CUL2: variants seen among roughly 807,000 people sequenced by gnomAD.
CUL2 encodes cullin-2.
CUL2 carries 22 observed loss-of-function variants against 110.2 expected under a neutral mutation model. The observed-to-expected ratio is 0.20, with a 90% CI of 0.14 to 0.28. CUL2 has a LOEUF of 0.28. CUL2 is among the 10% of genes least tolerant of loss of function. The probability of loss-of-function intolerance (pLI) is 1.00; values close to 1 mark genes in which losing one functional copy is unlikely to be tolerated. For missense variants in CUL2, 631 were observed against 905.5 expected, an observed-to-expected ratio of 0.70 and a Z score of 3.89; for synonymous variants, 279 against 293.2, an observed-to-expected ratio of 0.95 and a Z score of 0.49.
intron 15 of CUL2, among the ~76,000 whole-genome samples, 176 bp from the exon 16 acceptor site, chr10:35,029,063 GT>G (rs35011745): frequency 8.3e-4 from 118 of 142,036 alleles, no homozygotes; most frequent in African/African-American, 2.6e-3. Context: ...ACCTTTTTTT[GT>G]TTTTTTTTTT....
At chr10:35,073,035 G>A (rs535596002) in intron 1 of CUL2, among the ~76,000 whole-genome samples, 2 of 152,278 alleles carry the variant, frequency 1.3e-5, no homozygotes, top group Admixed American at 1.3e-4. Context: ...CGGACTGGGA[G>A]AGGCCCTTCT....
At chr10:35,041,407 A>G (rs915197390) in intron 8 of CUL2, among the ~76,000 whole-genome samples, 1 of 152,180 alleles carries the variant, frequency 6.6e-6, no homozygotes, top group African/African-American at 2.4e-5. Context: ...GGCCAAAGCT[A>G]TAAGAGGAAC....
chr10:35,115,294 G>T (rs544349706), intron 1 of CUL2, among the ~76,000 whole-genome samples: 3 of 152,222 alleles, frequency 2.0e-5, no homozygotes, highest in Admixed American at 6.5e-5. Context: ...AGGTGCAGTG[G>T]CTCACACCTG....
intron 10 of CUL2, among the ~76,000 whole-genome samples, chr10:35,033,667 G>A (rs2134732946): frequency 6.6e-6 from 1 of 152,072 alleles, no homozygotes; most frequent in Non-Finnish European, 1.5e-5. Flanking sequence ...AACCAGGGAG[G>A]TGGAGGTTGC....
chr10:35,035,358 T>TGGATCCAAGTGCAGGAGTACAATATAC (rs914113938), intron 9 of CUL2, 62 bp from the exon 10 acceptor site: 1 of 1,566,938 alleles, frequency 6.4e-7, no homozygotes, highest in Non-Finnish European at 8.7e-7. Context: ...AGGTAATATA[T>TGGATCCAAGTGCAGGAGTACAATATAC]GGATCCAAGT....
At chr10:35,026,716 A>G (rs1193059303) in intron 16 of CUL2, among the ~76,000 whole-genome samples, 2 of 152,240 alleles carry the variant, frequency 1.3e-5, no homozygotes, top group Non-Finnish European at 2.9e-5. Context: ...TCATCAATTC[A>G]TATGGCACTA....
In CUL2 at chr10:35,049,675, G is replaced by A. The variant is rs762479566; in HGVS notation, c.506+8C>T. ...AATTGACTCAGTAAGATAAATGTCA[G>A]CACTCACTTTTTGATTTCTCGGAGC... On this transcript the variant is annotated splice_region_variant and intron_variant, in intron 6 of 20. Coordinates refer to ENST00000374749, the MANE Select transcript of CUL2 (RefSeq NM_003591.4). 1.2e-6 allele frequency: 2 copies of A among 1,606,424 alleles called. No individual in the cohort carries two copies. Among genetic ancestry groups the A allele is most frequent in the Non-Finnish European group, 1.7e-6 (2 of 1,173,774 alleles).
rs2086197022 is a variant in CUL2 at position 35,054,603 on chromosome 10, CA to C, written c.318-65del. ...AGTCAGTAGGAAAGCAAATGACTTGCAACTTTAGAAGAATATTTTTAAGATT... is the reference window on the plus strand; with the variant it reads ...AGTCAGTAGGAAAGCAAATGACTTGCACTTTAGAAGAATATTTTTAAGATT... On this transcript the variant is annotated intron_variant, in intron 4 of 20. Transcript: ENST00000374749. 6.4e-6 allele frequency: 5 copies of C among 784,288 alleles called. No individual in the cohort carries two copies. In the East Asian group the frequency reaches 1.3e-4, roughly 21 times the overall value. The allele number at this position is 784,288 out of a possible 1,614,324, so 48.6% of individuals were successfully genotyped here.
At chr10:35,048,539 C>A (rs928802011) in intron 6 of CUL2, among the ~76,000 whole-genome samples, 1 of 152,012 alleles carries the variant, frequency 6.6e-6, no homozygotes, top group African/African-American at 2.4e-5. Flanking sequence ...AATTCCAAGT[C>A]AAAAGAAAAG....
intron 2 of CUL2, among the ~76,000 whole-genome samples, chr10:35,069,208 G>A (rs530132009): frequency 2.4e-4 from 37 of 151,986 alleles, no homozygotes; most frequent in African/African-American, 7.7e-4. Flanking sequence ...TTTATTTTGG[G>A]GGTGAGAGAA....
intron 6 of CUL2, among the ~76,000 whole-genome samples, chr10:35,045,970 T>C (rs2085928438): frequency 6.6e-6 from 1 of 152,178 alleles, no homozygotes; most frequent in African/African-American, 2.4e-5. Flanking sequence ...GCTCTATATA[T>C]AGGATGTAAG....
chr10:35,049,779 C>A lies in CUL2; in HGVS notation c.424-14G>T. ...ATCCAATGCTAGCTGCCGGGAAAAA[C>A]GAAAATCATCAGGGCTGAATTACTT... On this transcript the variant is annotated splice_polypyrimidine_tract_variant and intron_variant, in intron 5 of 20. Coordinates refer to ENST00000374749, the MANE Select transcript of CUL2 (RefSeq NM_003591.4). 6.3e-7 allele frequency: 1 copy of A among 1,587,636 alleles called. No homozygotes were observed. The highest frequency in any genetic ancestry group is 1.1e-5 in the South Asian group (1 of 89,440).
chr10:35,094,907 C>G (rs986880985), upstream of CUL2, among the ~76,000 whole-genome samples: 2 of 152,150 alleles, frequency 1.3e-5, no homozygotes. Context: ...ACCTCAAATC[C>G]TAGTTCATCT....
At chr10:35,028,105 T>C (rs2085379485) in intron 16 of CUL2, among the ~76,000 whole-genome samples, 1 of 152,196 alleles carries the variant, frequency 6.6e-6, no homozygotes, top group African/African-American at 2.4e-5. Context: ...CTTTGGGATG[T>C]ATCCTTTCTG....
chr10:35,101,686 C>A (rs1445507521), intron 1 of CUL2, among the ~76,000 whole-genome samples: 1 of 152,178 alleles, frequency 6.6e-6, no homozygotes, highest in Non-Finnish European at 1.5e-5. Flanking sequence ...TCTTGTAACT[C>A]TTCAGTTCCA....
At position 35,054,554 on chromosome 10, in the gene CUL2, T is replaced by A; in HGVS notation, c.318-15A>T. The A allele has an allele frequency of 7.2e-7, 1 of 1,380,630 alleles. No homozygotes were observed. The highest frequency in any genetic ancestry group is 1.0e-6 in the Non-Finnish European group (1 of 986,540). 85.5% of individuals were successfully genotyped at this position (1,380,630 alleles called of 1,614,324 possible). ...TGTTGAGATACCTGGAAAATAAATG[T>A]AATATCAATGGATATTAAGTTAAAG... On this transcript the variant is annotated splice_polypyrimidine_tract_variant and intron_variant, in intron 4 of 20. Transcript: ENST00000374749.
intron 1 of CUL2, chr10:35,074,451 C>T (rs2086763214): frequency 1.7e-6 from 1 of 574,044 alleles, no homozygotes; most frequent in Non-Finnish European, 3.1e-6. Flanking sequence ...CTTAGCTGCC[C>T]CCTCCACCCA....
intron 1 of CUL2, among the ~76,000 whole-genome samples, chr10:35,117,045 G>GA (rs1459808784): frequency 6.6e-6 from 1 of 151,112 alleles, no homozygotes; most frequent in African/African-American, 2.4e-5. Flanking sequence ...CCCTTACAAT[G>GA]AAAAAAAAGG....
intron 18 of CUL2, among the ~76,000 whole-genome samples, chr10:35,014,364 C>A (rs548266650): frequency 2.9e-4 from 44 of 152,234 alleles, no homozygotes; most frequent in African/African-American, 1.0e-3. Flanking sequence ...GGCCTTTGCT[C>A]AGGGGAAAAC....
Sources: gnomAD v4.1 joint callset for allele counts (sites outside exome capture counted in the v4.1 genomes callset) on GRCh38, gnomAD v4.1.1 for gene constraint, MANE v1.5 for transcripts, NCBI Gene and HGNC (gene_info 2026-07-23, HGNC 2026-07-21) for gene names.